The following TEX36 variants were observed in gnomAD, a reference collection of about 807,000 sequenced individuals.
TEX36 encodes testis expressed 36.
A neutral mutation model predicts 13.6 loss-of-function variants in TEX36; 12 were observed. That is an observed-to-expected ratio of 0.88 (90% CI 0.56 to 1.43). The LOEUF (loss-of-function observed/expected upper bound fraction) is 1.43. TEX36 is among the 40% of genes most tolerant of loss of function. The pLI is 0.00. For missense variants in TEX36, 224 were observed against 228.3 expected (o/e 0.98, Z 0.12); for synonymous variants, 93 against 83.0 (o/e 1.12, Z -0.65).
intron 3 of TEX36, among the ~76,000 whole-genome samples, chr10:125,583,954 G>A (rs1343744886): frequency 2.0e-5 from 3 of 152,100 alleles, no homozygotes; most frequent in Non-Finnish European, 4.4e-5. Flanking sequence ...CCCCAAATCT[G>A]TCAGGCCTGT....
At chr10:125,618,110 G>A (rs1397025248), downstream of TEX36, among the ~76,000 whole-genome samples, 5 of 152,186 alleles carry the variant, frequency 3.3e-5, no homozygotes, top group African/African-American at 1.2e-4. Flanking sequence ...TCTTCACGTA[G>A]TTCTCGAACC....
chr10:125,636,154 C>T lies in TEX36; in HGVS notation c.265-14509G>A, dbSNP rs756536819. On this transcript the variant is annotated intron_variant, in intron 3 of 3. Coordinates refer to the TEX36 transcript ENST00000526819. ...CCTCCCAAAGTGCTGGGATTATAGG[C>T]GTGAGTCACCACATGCGGCCTTCAA... is the stretch of plus-strand genomic sequence containing the variant. 4.6e-5 allele frequency among the ~76,000 whole-genome samples: 7 copies of T among 151,482 alleles called. No individual in the cohort carries two copies. The East Asian group carries it at 5.9e-4, about 13-fold the overall frequency.
chr10:125,681,583 G>A (rs1200898931), intron 1 of TEX36, among the ~76,000 whole-genome samples: 1 of 152,154 alleles, frequency 6.6e-6, no homozygotes, highest in African/African-American at 2.4e-5. Context: ...TATGTTATAT[G>A]TGTTCTCAGA....
chr10:125,646,878 G>C (rs1414922006), intron 3 of TEX36, among the ~76,000 whole-genome samples: 2 of 152,158 alleles, frequency 1.3e-5, no homozygotes, highest in African/African-American at 2.4e-5. Flanking sequence ...CCAGGTCCAG[G>C]AGCTTTCCTG....
chr10:125,613,260 T>C (rs1376070197), intron 3 of TEX36, among the ~76,000 whole-genome samples: 1 of 142,532 alleles, frequency 7.0e-6, no homozygotes, highest in African/African-American at 2.6e-5. Context: ...TTTATTTATT[T>C]ATTTATTTAT....
At chr10:125,671,730 G>A (rs531636425) in intron 1 of TEX36, among the ~76,000 whole-genome samples, 2 of 152,254 alleles carry the variant, frequency 1.3e-5, no homozygotes, top group South Asian at 4.1e-4. Flanking sequence ...TTGTACCTCT[G>A]GTAGAATTCA....
chr10:125,679,138 A>ACCG (rs1847355532), intron 1 of TEX36, among the ~76,000 whole-genome samples: 1 of 111,106 alleles, frequency 9.0e-6, no homozygotes, highest in African/African-American at 4.6e-5. Context: ...CTACAGGAGC[A>ACCG]CCCCCCCCGC....
intron 1 of TEX36, among the ~76,000 whole-genome samples, chr10:125,682,270 G>A (rs1437614236): frequency 2.0e-5 from 3 of 152,200 alleles, no homozygotes; most frequent in Non-Finnish European, 4.4e-5. Context: ...CCTGAAGATG[G>A]TAGAAGAGTG....
At chr10:125,645,198 T>C (rs146847241) in intron 3 of TEX36, among the ~76,000 whole-genome samples, 80 of 152,352 alleles carry the variant, frequency 5.3e-4, no homozygotes, top group Non-Finnish European at 9.3e-4. Flanking sequence ...ACTAAATTTG[T>C]AGTCACTTGT....
At chr10:125,585,615 G>C (rs1845936983) in intron 3 of TEX36, among the ~76,000 whole-genome samples, 1 of 152,208 alleles carries the variant, frequency 6.6e-6, no homozygotes, top group Admixed American at 6.5e-5. Context: ...CCTACCCTAT[G>C]TGTAGAAGGG....
At chr10:125,580,825 A>T (rs548081007) in intron 3 of TEX36, among the ~76,000 whole-genome samples, 2 of 152,300 alleles carry the variant, frequency 1.3e-5, no homozygotes, top group South Asian at 4.2e-4. Flanking sequence ...TGGCATAGGG[A>T]TGGTCACATG....
At chr10:125,620,535 A>G (rs2133559444), downstream of TEX36, among the ~76,000 whole-genome samples, 1 of 152,346 alleles carries the variant, frequency 6.6e-6, no homozygotes, top group South Asian at 2.1e-4. Context: ...GATACAGTCA[A>G]GGACTCACAA....
intron 1 of TEX36, chr10:125,667,326 C>A: frequency 1.6e-6 from 1 of 641,082 alleles, no homozygotes. Context: ...GCAGTCAGCA[C>A]CTTCTTGGTC....
chr10:125,608,167 T>C (rs1329207821), intron 3 of TEX36, among the ~76,000 whole-genome samples: 5 of 152,006 alleles, frequency 3.3e-5, no homozygotes, highest in Non-Finnish European at 2.9e-5. Context: ...CTGTTCACAA[T>C]AAAGAGAAAG....
At chr10:125,677,525 GTTC>G (rs1005338990) in intron 1 of TEX36, among the ~76,000 whole-genome samples, 1 of 152,000 alleles carries the variant, frequency 6.6e-6, no homozygotes, top group African/African-American at 2.4e-5. Context: ...CCTTCCATGA[GTTC>G]TTCAATTTCA....
chr10:125,651,767 T>G (rs543298468), downstream of TEX36, among the ~76,000 whole-genome samples: 1 of 152,004 alleles, frequency 6.6e-6, no homozygotes, highest in Non-Finnish European at 1.5e-5. Flanking sequence ...CAGCCCAAAA[T>G]CTCCTTAAGC....
At chr10:125,626,926 G>T (rs1442713416) in intron 3 of TEX36, among the ~76,000 whole-genome samples, 1 of 152,198 alleles carries the variant, frequency 6.6e-6, no homozygotes, top group African/African-American at 2.4e-5. Context: ...TCCCACTGGG[G>T]CCTGGGAAAT....
chr10:125,605,329 G>A (rs187919997), intron 3 of TEX36, among the ~76,000 whole-genome samples: 18 of 148,430 alleles, frequency 1.2e-4, no homozygotes, highest in African/African-American at 3.3e-4. Context: ...TTCTCCACAC[G>A]CAGCATAGTG....
chr10:125,576,903 A>C, intron 3 of TEX36: 1 of 1,536,000 alleles, frequency 6.5e-7, no homozygotes, highest in South Asian at 1.2e-5. Flanking sequence ...ATGTAGAACC[A>C]TGAGTAGTTG....
Sources: gnomAD v4.1 joint callset for allele counts (sites outside exome capture counted in the v4.1 genomes callset) on GRCh38, gnomAD v4.1.1 for gene constraint, MANE v1.5 for transcripts, NCBI Gene and HGNC (gene_info 2026-07-23, HGNC 2026-07-21) for gene names.